FNDC3A: variants seen among roughly 807,000 people sequenced by gnomAD.
The protein encoded by FNDC3A is fibronectin type-III domain-containing protein 3A.
In FNDC3A, 32 loss-of-function variants were observed where a neutral mutation model predicts 148.9. The ratio of observed to expected loss-of-function variants is 0.21; its 90% CI spans 0.16 to 0.29. The LOEUF (loss-of-function observed/expected upper bound fraction) is 0.29, where lower values mean the gene tolerates loss of function less well. Ranked by LOEUF, FNDC3A falls within the 10% of genes least tolerant of loss-of-function variation. The probability of loss-of-function intolerance (pLI) is 1.00; values close to 1 mark genes in which losing one functional copy is unlikely to be tolerated. For missense variants in FNDC3A, 1,191 were observed against 1,452.8 expected (o/e 0.82, Z 2.93); for synonymous variants, 472 against 473.6 (o/e 1.00, Z 0.04).
intron 4 of FNDC3A, among the ~76,000 whole-genome samples, chr13:49,125,152 T>G (rs568218609): frequency 5.6e-4 from 85 of 152,304 alleles, no homozygotes; most frequent in African/African-American, 1.9e-3. Context: ...CATTTTGCTT[T>G]TATGATGGCA....
chr13:49,148,965 A>G lies in FNDC3A; in HGVS notation c.977+3030A>G, dbSNP rs146549080. Among the ~76,000 whole-genome samples, 8 of 152,084 alleles carry G rather than the reference A, an allele frequency of 5.3e-5. No homozygotes were observed. In the East Asian group the frequency reaches 7.7e-4, roughly 15 times the overall value. On this transcript the variant is annotated intron_variant, in intron 8 of 25. Transcript: ENST00000492622. ...TTAGGGTGTTTTTTCTTTTGTAGCT[A>G]TTGTAAATGTGATTGCCTTTTGGGC...
chr13:49,003,472 TGTTA>T (rs1952165052), intron 1 of FNDC3A, among the ~76,000 whole-genome samples: 1 of 152,230 alleles, frequency 6.6e-6, no homozygotes, highest in Non-Finnish European at 1.5e-5. Context: ...ATATGCTCTT[TGTTA>T]GTTGTATATG....
rs538349736 is a variant in FNDC3A at position 49,120,992 on chromosome 13, G to T, written c.252+6261G>T. On this transcript the variant is annotated intron_variant, in intron 4 of 25. Transcript: ENST00000492622. Reference sequence around the variant, plus strand: ...CTTGAACTTAGCTCTGCACCAAGCTGACCTAATAGACATCTACAGAACTCT... The same window carrying T: ...CTTGAACTTAGCTCTGCACCAAGCTTACCTAATAGACATCTACAGAACTCT... Among the ~76,000 whole-genome samples the T allele has an allele frequency of 1.5e-4, 23 of 152,276 alleles. No homozygotes were observed. In the East Asian group the frequency reaches 3.9e-3, roughly 26 times the overall value.
chr13:49,020,843 T>C (rs1221196574), intron 2 of FNDC3A, among the ~76,000 whole-genome samples: 1 of 152,276 alleles, frequency 6.6e-6, no homozygotes, highest in Non-Finnish European at 1.5e-5. Flanking sequence ...TTAAGTAACA[T>C]AGCTTCTGAA....
At chr13:49,016,713 T>C (rs1361578667) in intron 2 of FNDC3A, among the ~76,000 whole-genome samples, 1 of 152,222 alleles carries the variant, frequency 6.6e-6, no homozygotes, top group Non-Finnish European at 1.5e-5. Context: ...ATTTTGGATC[T>C]TTCCTGCTTC....
intron 3 of FNDC3A, among the ~76,000 whole-genome samples, chr13:49,075,871 C>T (rs909226988): frequency 4.9e-5 from 7 of 141,534 alleles, no homozygotes; most frequent in African/African-American, 1.8e-4. Context: ...TCCAGTCCTA[C>T]CTTTAACAGG....
intron 2 of FNDC3A, among the ~76,000 whole-genome samples, chr13:49,038,789 C>A (rs1319287290): frequency 6.6e-6 from 1 of 152,152 alleles, no homozygotes; most frequent in Non-Finnish European, 1.5e-5. Context: ...GAATGCAAGT[C>A]ATGTTCCTTT....
At chr13:49,003,786 A>G (rs1952171758) in intron 1 of FNDC3A, among the ~76,000 whole-genome samples, 1 of 152,218 alleles carries the variant, frequency 6.6e-6, no homozygotes, top group African/African-American at 2.4e-5. Flanking sequence ...CAAGAATAGT[A>G]CAAAGATGTC....
At chr13:48,977,242 A>G (rs556849702) in intron 1 of FNDC3A, among the ~76,000 whole-genome samples, 37 of 152,202 alleles carry the variant, frequency 2.4e-4, no homozygotes, top group Non-Finnish European at 4.6e-4. Flanking sequence ...AAACCGAACA[A>G]CGTAATTATT....
intron 3 of FNDC3A, among the ~76,000 whole-genome samples, chr13:49,079,476 C>G (rs868572997): frequency 4.6e-5 from 7 of 152,110 alleles, no homozygotes; most frequent in Admixed American, 2.6e-4. Context: ...TGAGCCTCCT[C>G]GAAGAACAGT....
At chr13:49,082,151 G>A (rs1380953036) in intron 3 of FNDC3A, among the ~76,000 whole-genome samples, 3 of 152,100 alleles carry the variant, frequency 2.0e-5, no homozygotes, top group South Asian at 4.1e-4. Context: ...TTGGGAGGCC[G>A]AGGTGGGGCG....
intron 2 of FNDC3A, among the ~76,000 whole-genome samples, chr13:49,056,606 C>G (rs1333510544): frequency 1.3e-5 from 2 of 152,104 alleles, no homozygotes; most frequent in Middle Eastern, 3.2e-3. Flanking sequence ...CTTATTCTAT[C>G]TTCTGTATCT....
At chr13:49,188,776 T>C (rs1369199353) in intron 17 of FNDC3A, 143 bp downstream of exon 17, 1 of 656,910 alleles carries the variant, frequency 1.5e-6, no homozygotes, top group African/African-American at 1.8e-5. Context: ...AATTTGATAG[T>C]GACCAAAATA....
At chr13:49,040,364 TAACTC>T (rs533222715) in intron 2 of FNDC3A, among the ~76,000 whole-genome samples, 104 of 152,318 alleles carry the variant, frequency 6.8e-4, no homozygotes, top group African/African-American at 2.3e-3. Flanking sequence ...TCGGCACTAA[TAACTC>T]AACCCAGATA....
At chr13:49,171,303 C>T (rs1369185371) in intron 10 of FNDC3A, among the ~76,000 whole-genome samples, 2 of 152,074 alleles carry the variant, frequency 1.3e-5, no homozygotes, top group African/African-American at 4.8e-5. Flanking sequence ...GTCCAAAAAA[C>T]ATCATTTCAA....
chr13:49,007,851 G>T (rs1380712414), intron 2 of FNDC3A, among the ~76,000 whole-genome samples: 1 of 152,152 alleles, frequency 6.6e-6, no homozygotes, highest in Non-Finnish European at 1.5e-5. Context: ...ATTTCAGGAA[G>T]TGTAGAGTAA....
intron 1 of FNDC3A, among the ~76,000 whole-genome samples, chr13:48,991,090 G>A (rs147746844): frequency 1.6e-4 from 24 of 152,222 alleles, no homozygotes; most frequent in Admixed American, 3.9e-4. Flanking sequence ...AAATCCAGTC[G>A]TATCAACAAT....
rs528526124 is a variant in FNDC3A, at chr13:49,080,930, A to G, written c.175+5566A>G. On this transcript the variant is annotated intron_variant, in intron 3 of 25. Coordinates refer to ENST00000492622, the MANE Select transcript of FNDC3A (RefSeq NM_001079673.2). The stretch of plus-strand genomic sequence containing the variant: ...CTCTTTTAGCTGTAGATACACATAC[A>G]GAAATAATTGAAGGCAGATATTTTT... Among the ~76,000 whole-genome samples the G allele has an allele frequency of 2.7e-3, 413 of 152,328 alleles. 2 individuals are homozygous for G. Among genetic ancestry groups the G allele is most frequent in the African/African-American group, 9.5e-3 (396 of 41,576 alleles).
At chr13:49,176,859 G>A (rs991941522) in intron 13 of FNDC3A, among the ~76,000 whole-genome samples, 1 of 152,096 alleles carries the variant, frequency 6.6e-6, no homozygotes, top group African/African-American at 2.4e-5. Flanking sequence ...GGAGTGCAGT[G>A]GCACAATCTC....
Sources: gnomAD v4.1 joint callset for allele counts (sites outside exome capture counted in the v4.1 genomes callset) on GRCh38, gnomAD v4.1.1 for gene constraint, MANE v1.5 for transcripts, NCBI Gene and HGNC (gene_info 2026-07-23, HGNC 2026-07-21) for gene names.